Variants in KCNU1 observed in about 807,000 individuals in gnomAD.
KCNU1 encodes the protein potassium channel subfamily U member 1.
In KCNU1, 93 loss-of-function variants were observed where a neutral mutation model predicts 126.8. The ratio of observed to expected loss-of-function variants is 0.73; its 90% CI spans 0.62 to 0.87. The LOEUF is 0.87. Among genes scored for constraint, KCNU1 ranks in the 40% least tolerant of loss-of-function variants. KCNU1 has a pLI of 0.00. For synonymous variants in KCNU1, 523 were observed against 494.2 expected (o/e 1.06, Z -0.77); for missense variants, 1,330 against 1,367.1 (o/e 0.97, Z 0.43).
chr8:36,881,796 TCACACA>T (rs10522369), intron 19 of KCNU1, among the ~76,000 whole-genome samples: 10,008 of 138,796 alleles, frequency 0.072, 365 homozygotes, highest in East Asian at 0.13. Context: ...AAAAGTCAAA[TCACACA>T]CACACACACA....
At chr8:36,846,995 T>C (rs755469641) in intron 18 of KCNU1, among the ~76,000 whole-genome samples, 1 of 152,210 alleles carries the variant, frequency 6.6e-6, no homozygotes, top group Non-Finnish European at 1.5e-5. Flanking sequence ...TGAGTGTTCT[T>C]GCAGTGAACC....
intron 1 of KCNU1, 69 bp from the exon 2 acceptor site, chr8:36,787,237 A>G (rs1802737948): frequency 2.8e-6 from 4 of 1,409,370 alleles, no homozygotes; most frequent in Non-Finnish European, 2.9e-6. Flanking sequence ...GGCTCCATCA[A>G]CGTAAGTAGA....
chr8:36,913,408 T>C (rs996154279), intron 22 of KCNU1, among the ~76,000 whole-genome samples: 3 of 152,104 alleles, frequency 2.0e-5, no homozygotes, highest in African/African-American at 7.2e-5. Flanking sequence ...ATTTGAATCA[T>C]TATGAGTATG....
intron 18 of KCNU1, among the ~76,000 whole-genome samples, chr8:36,855,778 T>C (rs1399953006): frequency 2.0e-5 from 3 of 152,148 alleles, no homozygotes; most frequent in Non-Finnish European, 4.4e-5. Flanking sequence ...TTTTTTCTGG[T>C]ATCTTGTCTT....
intron 10 of KCNU1, among the ~76,000 whole-genome samples, chr8:36,826,123 C>T (rs1475210879): frequency 1.3e-5 from 2 of 151,634 alleles, no homozygotes; most frequent in Admixed American, 1.3e-4. Flanking sequence ...TTCCGGGATT[C>T]TAATTACAGG....
intron 26 of KCNU1, 47 bp from the exon 27 acceptor site, chr8:36,935,468 C>T: frequency 2.7e-6 from 4 of 1,499,264 alleles, no homozygotes; most frequent in Non-Finnish European, 2.7e-6. Context: ...TGTTGCCACA[C>T]TGGCCAGCTG....
intron 18 of KCNU1, among the ~76,000 whole-genome samples, chr8:36,848,703 G>A (rs147136564): frequency 2.6e-5 from 4 of 152,258 alleles, no homozygotes; most frequent in African/African-American, 4.8e-5. Flanking sequence ...AGACACTGTC[G>A]TGTTTCTTCT....
intron 21 of KCNU1, 47 bp downstream of exon 21, chr8:36,909,582 T>G (rs1476967444): frequency 1.9e-6 from 2 of 1,044,620 alleles, no homozygotes; most frequent in African/African-American, 3.2e-5. Context: ...GATTTCAATA[T>G]TAATAGGACT....
At chr8:36,885,565 AT>A in intron 19 of KCNU1, among the ~76,000 whole-genome samples, 1 of 152,000 alleles carries the variant, frequency 6.6e-6, no homozygotes, top group Non-Finnish European at 1.5e-5. Context: ...AATTAAAAAA[AT>A]AAAAAAAACT....
intron 1 of KCNU1, among the ~76,000 whole-genome samples, chr8:36,784,937 G>A (rs983747106): frequency 3.9e-5 from 6 of 152,304 alleles, no homozygotes; most frequent in African/African-American, 1.4e-4. Context: ...ATTTTAACAA[G>A]ACAATTGTGC....
intron 10 of KCNU1, among the ~76,000 whole-genome samples, chr8:36,830,707 T>C (rs573281753): frequency 4.4e-4 from 67 of 152,076 alleles, no homozygotes; most frequent in Middle Eastern, 6.8e-3. Flanking sequence ...TGTAGGTTTG[T>C]GTTTGTGTGT....
At chr8:36,786,267 C>T (rs1320498097) in intron 1 of KCNU1, among the ~76,000 whole-genome samples, 3 of 152,092 alleles carry the variant, frequency 2.0e-5, no homozygotes, top group Non-Finnish European at 4.4e-5. Context: ...ATTTGTTTTT[C>T]CACAGAAGGT....
At chr8:36,874,912 TTCTGTTCCTTCCTTAGAACCCC>T (rs956110969) in intron 19 of KCNU1, among the ~76,000 whole-genome samples, 2 of 151,982 alleles carry the variant, frequency 1.3e-5, no homozygotes, top group Non-Finnish European at 2.9e-5. Flanking sequence ...ACCAGAGGGA[TTCTGTTCCTTCCTTAGAACCCC>T]TCTGTTCCTC....
chr8:36,836,481 T>G, intron 13 of KCNU1, 116 bp downstream of exon 13: 1 of 713,354 alleles, frequency 1.4e-6, no homozygotes, highest in Non-Finnish European at 2.3e-6. Flanking sequence ...TAGGTAAAAT[T>G]TGGAGTCTTA....
chr8:36,871,795 T>G (rs1806113057), intron 19 of KCNU1, among the ~76,000 whole-genome samples: 1 of 152,210 alleles, frequency 6.6e-6, no homozygotes, highest in Admixed American at 6.5e-5. Flanking sequence ...ATGGGATGAC[T>G]GATCATTTAC....
At chr8:36,880,339 G>T (rs928174887) in intron 19 of KCNU1, among the ~76,000 whole-genome samples, 1 of 152,110 alleles carries the variant, frequency 6.6e-6, no homozygotes, top group Non-Finnish European at 1.5e-5. Context: ...TGTAAAGATT[G>T]CAGCATGAAA....
At chr8:36,888,818 T>A in intron 19 of KCNU1, 1 of 514,168 alleles carries the variant, frequency 1.9e-6, no homozygotes, top group Non-Finnish European at 4.0e-6. Flanking sequence ...AGTGAAACTT[T>A]TTATAACAGG....
At chr8:36,898,721 G>A (rs1000022124) in intron 19 of KCNU1, among the ~76,000 whole-genome samples, 4 of 152,078 alleles carry the variant, frequency 2.6e-5, no homozygotes, top group Non-Finnish European at 5.9e-5. Flanking sequence ...CTGTCTATGG[G>A]AGGGAAGTAT....
chr8:36,817,742 A>G lies in KCNU1; in HGVS notation c.1088A>G (p.Glu363Gly), dbSNP rs774513283. ...GACAAGTCAGGAGAGATCAACACTG[A>G]AATTGTTTTCCTGGGAGAGTAAGTA... ...LRDKSGEINT[E>G]IVFLGETPPS... Residue 363 changes from glutamate to glycine, a missense_variant, in exon 10 of 27, where the codon GAA becomes GGA. Physicochemically the swap from Glu to Gly is moderately conservative, Grantham distance 98 (BLOSUM62 -2). Coordinates refer to ENST00000399881, the MANE Select transcript of KCNU1 (RefSeq NM_001031836.3). The G allele has an allele frequency of 3.1e-5, 49 of 1,599,468 alleles. No individual in the cohort carries two copies. The highest frequency in any genetic ancestry group is 4.0e-5 in the Non-Finnish European group (47 of 1,166,796).
Sources: gnomAD v4.1 joint callset for allele counts (sites outside exome capture counted in the v4.1 genomes callset) on GRCh38, gnomAD v4.1.1 for gene constraint, MANE v1.5 for transcripts, NCBI Gene and HGNC (gene_info 2026-07-23, HGNC 2026-07-21) for gene names.